Variants in RAD51 observed in about 807,000 individuals in gnomAD.
The protein encoded by RAD51 is DNA repair protein RAD51 homolog 1.
A neutral mutation model predicts 41.5 loss-of-function variants in RAD51; 14 were observed. That is an observed-to-expected ratio of 0.34 (90% CI 0.22 to 0.53). RAD51 has a LOEUF of 0.53. Ranked by LOEUF, RAD51 falls within the 20% of genes least tolerant of loss-of-function variation. The pLI is 0.95. For missense variants in RAD51, 234 were observed against 422.0 expected, an observed-to-expected ratio of 0.55 and a Z score of 3.90; for synonymous variants, 136 against 148.6, an observed-to-expected ratio of 0.92 and a Z score of 0.62.
chr15:40,702,718 A>G (rs532839716), intron 3 of RAD51, among the ~76,000 whole-genome samples: 196 of 151,350 alleles, frequency 1.3e-3, no homozygotes, highest in African/African-American at 4.6e-3. Context: ...GGGTTTCACC[A>G]TGTTGCCCAG....
intron 7 of RAD51, 33 bp downstream of exon 7, chr15:40,728,857 C>T (rs1896723411): frequency 6.5e-7 from 1 of 1,531,224 alleles, no homozygotes; most frequent in Non-Finnish European, 9.1e-7. Flanking sequence ...CAAATATGTT[C>T]TTAAGAGTCC....
At chr15:40,723,205 T>C (rs950742658) in intron 6 of RAD51, among the ~76,000 whole-genome samples, 80 of 152,072 alleles carry the variant, frequency 5.3e-4, no homozygotes, top group Non-Finnish European at 5.9e-5. Flanking sequence ...TGGTAACAAA[T>C]ACTGGGAGGA....
chr15:40,700,929 G>T (rs893436868), intron 2 of RAD51, 135 bp from the exon 3 acceptor site: 14 of 297,384 alleles, frequency 4.7e-5, no homozygotes, highest in East Asian at 1.8e-4. Flanking sequence ...ATCTCCCCCC[G>T]CCCCCCCAAG....
rs1385070077 is a variant in RAD51, at chr15:40,728,623, C to G, written c.531-88C>G. On this transcript the variant is annotated intron_variant, in intron 6 of 9. Transcript: ENST00000267868. ...ACTGTCAGTACCACTTCTTCCCTAC[C>G]TATTCAGGTAATTTAAGTGTCAGAA... 1.2e-5 allele frequency: 12 copies of G among 1,029,988 alleles called. No individual in the cohort carries two copies. The Admixed American group carries it at 2.0e-4, about 17-fold the overall frequency. 63.8% of individuals were successfully genotyped at this position (1,029,988 alleles called of 1,614,324 possible). A position where few individuals can be genotyped will look rare whatever the true frequency, so the allele number is the denominator to read the frequency against.
chr15:40,716,821 C>T (rs774244909), intron 5 of RAD51, among the ~76,000 whole-genome samples: 6 of 151,456 alleles, frequency 4.0e-5, no homozygotes, highest in Non-Finnish European at 7.4e-5. Flanking sequence ...CCACCACGCC[C>T]GGCTAATTTT....
chr15:40,713,171 C>T (rs1294729784), intron 5 of RAD51, among the ~76,000 whole-genome samples: 8 of 150,610 alleles, frequency 5.3e-5, no homozygotes, highest in East Asian at 1.9e-4. Context: ...AGTGAGCCAC[C>T]GTGCCTGGCC....
At chr15:40,716,431 A>G (rs1032722712) in intron 5 of RAD51, among the ~76,000 whole-genome samples, 1 of 151,712 alleles carries the variant, frequency 6.6e-6, no homozygotes, top group Non-Finnish European at 1.5e-5. Flanking sequence ...CAGTGGCATG[A>G]TATCGCTCAC....
chr15:40,718,908 C>T lies in RAD51; in HGVS notation c.530+9C>T, dbSNP rs1237995633. ...CTGGCAGTGGCTGAGAGGTAGGTTA[C>T]TGGTTTAGATAAGAGAGACTATGGC... On this transcript the variant is annotated intron_variant, in intron 6 of 9. Transcript: ENST00000267868. 5 of 1,591,492 alleles carry T rather than the reference C, an allele frequency of 3.1e-6. No homozygotes were observed. Among genetic ancestry groups the T allele is most frequent in the Non-Finnish European group, 4.3e-6 (5 of 1,159,832 alleles).
chr15:40,703,335 C>T (rs1895121244), intron 3 of RAD51, among the ~76,000 whole-genome samples: 1 of 152,138 alleles, frequency 6.6e-6, no homozygotes, highest in African/African-American at 2.4e-5. Context: ...CTCAGTATCC[C>T]AAAGTGCTGG....
rs71104728 is a variant in RAD51, at chr15:40,710,241, CAAAAAAAAAA to C, written c.435+1145_435+1154del. On this transcript the variant is annotated intron_variant, in intron 5 of 9. Coordinates refer to ENST00000267868, the MANE Select transcript of RAD51 (RefSeq NM_002875.5). ...TGGGCGACAGAGCGAGACTCTGTCTCAAAAAAAAAAAAAAAAAAAAAAAAAAAAAGAAGAA... is the reference window on the plus strand; with the variant it reads ...TGGGCGACAGAGCGAGACTCTGTCTCAAAAAAAAAAAAAAAAAAAGAAGAA... 1.3e-3 allele frequency among the ~76,000 whole-genome samples: 59 copies of C among 44,298 alleles called. 1 individual carries two copies. In the East Asian group the frequency reaches 0.035, roughly 26 times the overall value. 29.1% of individuals were successfully genotyped at this position (44,298 alleles called of 152,430 possible). A position where few individuals can be genotyped will look rare whatever the true frequency, so the allele number is the denominator to read the frequency against.
chr15:40,696,177 C>G (rs112131218), intron 1 of RAD51, among the ~76,000 whole-genome samples: 1 of 151,414 alleles, frequency 6.6e-6, no homozygotes, highest in Non-Finnish European at 1.5e-5. Flanking sequence ...AGCGCCTGGC[C>G]CCTGTTTTTT....
At position 40,729,246 on chromosome 15, in the gene RAD51, G is replaced by A. The variant is rs976609862; in HGVS notation, c.645-259G>A. On this transcript the variant is annotated intron_variant, in intron 7 of 9. Coordinates refer to ENST00000267868, the MANE Select transcript of RAD51 (RefSeq NM_002875.5). Reference sequence around the variant, plus strand: ...AAATTAGCTGGGTGTGGTGGCGGGCGCCTGTAGTCCCAGCTACTCCGGAGG... The same window carrying A: ...AAATTAGCTGGGTGTGGTGGCGGGCACCTGTAGTCCCAGCTACTCCGGAGG... 2.6e-5 allele frequency among the ~76,000 whole-genome samples: 4 copies of A among 151,718 alleles called. No individual in the cohort carries two copies. The South Asian group carries it at 6.3e-4, about 24-fold the overall frequency.
chr15:40,730,260 A>C (rs568852750), intron 9 of RAD51, among the ~76,000 whole-genome samples: 6 of 152,276 alleles, frequency 3.9e-5, no homozygotes, highest in Admixed American at 2.6e-4. Flanking sequence ...TGGTAATCCC[A>C]ACACTTTGGG....
At chr15:40,697,570 A>ATTT (rs1894720094) in intron 1 of RAD51, among the ~76,000 whole-genome samples, 2 of 110,444 alleles carry the variant, frequency 1.8e-5, no homozygotes, top group African/African-American at 3.6e-5. Context: ...ACAAGATGAT[A>ATTT]TTTCTTTTTT....
intron 7 of RAD51, 117 bp from the exon 8 acceptor site, chr15:40,729,388 A>G: frequency 8.6e-7 from 1 of 1,159,724 alleles, no homozygotes; most frequent in Non-Finnish European, 1.2e-6. Flanking sequence ...AAAAAAAAAA[A>G]AAAAAAAAAT....
chr15:40,726,730 T>C (rs978605714), intron 6 of RAD51, among the ~76,000 whole-genome samples: 12 of 151,572 alleles, frequency 7.9e-5, no homozygotes, highest in African/African-American at 2.7e-4. Context: ...CTGGCTAACA[T>C]GGTGAAACCC....
chr15:40,695,809 T>A (rs1163942056), intron 1 of RAD51: 1 of 152,236 alleles, frequency 6.6e-6, no homozygotes, highest in African/African-American at 2.4e-5. Flanking sequence ...AACAGTGTTT[T>A]CATCATCTAA....
intron 6 of RAD51, among the ~76,000 whole-genome samples, chr15:40,719,224 A>C (rs1213141583): frequency 6.6e-6 from 1 of 151,592 alleles, no homozygotes; most frequent in Non-Finnish European, 1.5e-5. Context: ...CACCCAGCTA[A>C]TTTTTTGTAT....
chr15:40,728,311 T>C (rs538969461), intron 6 of RAD51, among the ~76,000 whole-genome samples: 33 of 152,206 alleles, frequency 2.2e-4, no homozygotes, highest in African/African-American at 6.7e-4. Flanking sequence ...AAAATAAAAA[T>C]ATTAGCTATG....
Sources: allele counts gnomAD v4.1 joint callset (sites outside exome capture counted in the v4.1 genomes callset), GRCh38; gene constraint gnomAD v4.1.1; transcripts MANE v1.5; gene names NCBI Gene and HGNC (gene_info 2026-07-23, HGNC 2026-07-21).